SGCZ: variants seen among roughly 807,000 people sequenced by gnomAD.
The protein encoded by SGCZ is zeta-sarcoglycan.
A neutral mutation model predicts 41.3 loss-of-function variants in SGCZ; 40 were observed. The ratio of observed to expected loss-of-function variants is 0.97; its 90% CI spans 0.75 to 1.26. SGCZ has a LOEUF of 1.26. Ranked by LOEUF, SGCZ falls within the 50% of genes most tolerant of loss-of-function variation. The probability of loss-of-function intolerance (pLI) is 0.00; values close to 1 mark genes in which losing one functional copy is unlikely to be tolerated. For missense variants in SGCZ, 552 were observed against 369.8 expected (o/e 1.49, Z -4.04); for synonymous variants, 206 against 137.5 (o/e 1.50, Z -3.49).
chr8:15,169,118 G>T (rs1273324492), intron 1 of SGCZ, among the ~76,000 whole-genome samples: 1 of 152,160 alleles, frequency 6.6e-6, no homozygotes, highest in Non-Finnish European at 1.5e-5. Context: ...GGCCCCTGCT[G>T]GGAACCCTTA....
At chr8:15,213,999 G>A (rs1563187771) in intron 1 of SGCZ, among the ~76,000 whole-genome samples, 2 of 149,700 alleles carry the variant, frequency 1.3e-5, no homozygotes, top group African/African-American at 5.0e-5. Context: ...ACTTGCCTAA[G>A]TTATTATTTT....
chr8:14,727,347 G>A (rs1170880774), intron 1 of SGCZ, among the ~76,000 whole-genome samples: 3 of 152,136 alleles, frequency 2.0e-5, no homozygotes, highest in Admixed American at 6.5e-5. Context: ...TAAAGAAGAT[G>A]TGTAAAAAAT....
In SGCZ at chr8:14,635,097, G is replaced by T. The variant is rs538364241; in HGVS notation, c.40-80171C>A. Among the ~76,000 whole-genome samples, 148 of 151,412 alleles carry T rather than the reference G, an allele frequency of 9.8e-4. 2 individuals carry two copies. The South Asian group carries it at 0.014, about 14-fold the overall frequency. ...AACATATAGAAATTTTATCTTTAAG[G>T]CTCAAGTTTTGCATATATTTTAACA... On this transcript the variant is annotated intron_variant, in intron 1 of 7. Transcript: ENST00000382080.
chr8:14,330,853 G>GA (rs1444731426), intron 2 of SGCZ, among the ~76,000 whole-genome samples: 2 of 151,844 alleles, frequency 1.3e-5, no homozygotes, highest in Non-Finnish European at 2.9e-5. Flanking sequence ...TAAAAATAGA[G>GA]AAAATCTGAT....
At chr8:14,990,774 T>C (rs1054282154) in intron 1 of SGCZ, among the ~76,000 whole-genome samples, 37 of 152,138 alleles carry the variant, frequency 2.4e-4, no homozygotes, top group African/African-American at 8.7e-4. Context: ...ACTCGGTCTG[T>C]GGAAAAATTG....
intron 1 of SGCZ, among the ~76,000 whole-genome samples, chr8:14,775,073 T>A (rs1252097797): frequency 6.6e-6 from 1 of 152,136 alleles, no homozygotes; most frequent in African/African-American, 2.4e-5. Flanking sequence ...TAAAGAAAAT[T>A]GCACTAATAA....
intron 5 of SGCZ, among the ~76,000 whole-genome samples, chr8:14,127,082 A>G (rs1032640937): frequency 1.8e-4 from 28 of 152,146 alleles, no homozygotes; most frequent in African/African-American, 6.8e-4. Flanking sequence ...TGGCTTACCT[A>G]TGTAAGGTAA....
At chr8:14,746,714 C>G (rs895822117) in intron 1 of SGCZ, among the ~76,000 whole-genome samples, 1 of 152,124 alleles carries the variant, frequency 6.6e-6, no homozygotes, top group Non-Finnish European at 1.5e-5. Context: ...ATGGTGACTC[C>G]TAAGTCTCTA....
At position 14,088,032 on chromosome 8, in the gene SGCZ, A is replaced by G. The variant is rs891290051; in HGVS notation, c.*2411T>C. Among the ~76,000 whole-genome samples, 11 of 151,800 alleles carry G rather than the reference A, an allele frequency of 7.2e-5. No homozygotes were observed. Among genetic ancestry groups the G allele is most frequent in the African/African-American group, 2.7e-4 (11 of 41,396 alleles). ...AATGCATTTGAATTAAAAATGTGTCAGTCCCTCACTGGAATCGGTTTTTAC... is the reference window on the plus strand; with the variant it reads ...AATGCATTTGAATTAAAAATGTGTCGGTCCCTCACTGGAATCGGTTTTTAC... On this transcript the variant is annotated 3_prime_UTR_variant, in exon 8 of 8. Transcript: ENST00000382080.
chr8:14,541,366 G>T (rs1803461864), intron 2 of SGCZ, among the ~76,000 whole-genome samples: 1 of 151,874 alleles, frequency 6.6e-6, no homozygotes, highest in Non-Finnish European at 1.5e-5. Flanking sequence ...TGTTCTCATT[G>T]TTCAGCTCCG....
chr8:14,499,934 T>C (rs1416852854), intron 2 of SGCZ, among the ~76,000 whole-genome samples: 2 of 152,080 alleles, frequency 1.3e-5, no homozygotes, highest in Non-Finnish European at 2.9e-5. Context: ...TCAAATTCTA[T>C]TGGCATTCTT....
chr8:14,470,703 A>C (rs1801190199), intron 2 of SGCZ, among the ~76,000 whole-genome samples: 3 of 152,192 alleles, frequency 2.0e-5, no homozygotes. Context: ...TTTCTGATGC[A>C]GAACGGAGAT....
intron 2 of SGCZ, among the ~76,000 whole-genome samples, chr8:14,373,277 C>T (rs1803976018): frequency 1.3e-5 from 2 of 152,162 alleles, no homozygotes; most frequent in Non-Finnish European, 2.9e-5. Context: ...TTTACTGGAA[C>T]ATCGATGCAT....
At chr8:14,627,345 T>C (rs1469181297) in intron 1 of SGCZ, among the ~76,000 whole-genome samples, 1 of 152,116 alleles carries the variant, frequency 6.6e-6, no homozygotes, top group Non-Finnish European at 1.5e-5. Flanking sequence ...GAGGGACGGA[T>C]CATCAGCTCC....
intron 1 of SGCZ, among the ~76,000 whole-genome samples, chr8:14,692,524 T>C (rs1293832458): frequency 1.3e-5 from 2 of 152,178 alleles, no homozygotes; most frequent in Non-Finnish European, 2.9e-5. Flanking sequence ...CATTAAAATA[T>C]TCTTGTTGTA....
At chr8:14,727,342 A>T (rs1424630997) in intron 1 of SGCZ, among the ~76,000 whole-genome samples, 1 of 152,192 alleles carries the variant, frequency 6.6e-6, no homozygotes, top group Non-Finnish European at 1.5e-5. Context: ...ACTACTAAAG[A>T]AGATGTGTAA....
intron 1 of SGCZ, among the ~76,000 whole-genome samples, chr8:15,045,798 A>T (rs554900736): frequency 4.6e-5 from 7 of 152,048 alleles, no homozygotes; most frequent in African/African-American, 9.7e-5. Flanking sequence ...GCAGTAGTCA[A>T]TTCCCCTCAG....
chr8:15,124,832 T>C (rs1260494185), intron 1 of SGCZ, among the ~76,000 whole-genome samples: 3 of 152,182 alleles, frequency 2.0e-5, no homozygotes, highest in Non-Finnish European at 4.4e-5. Flanking sequence ...AATTAAGATC[T>C]TTAAAAAATC....
At position 14,484,841 on chromosome 8, in the gene SGCZ, C is replaced by A. The variant is rs1801630574; in HGVS notation, c.234+69891G>T. On this transcript the variant is annotated intron_variant, in intron 2 of 7. Transcript: ENST00000382080. ...AGATCATTTAGCTCTAAGTTAAATG[C>A]ATTTCTTGGTGATACTTCTGTTGCT... Among the ~76,000 whole-genome samples the A allele has an allele frequency of 4.6e-5, 7 of 152,226 alleles. No homozygotes were observed. The South Asian group carries it at 1.5e-3, about 32-fold the overall frequency.
Sources: allele counts gnomAD v4.1 joint callset (sites outside exome capture counted in the v4.1 genomes callset), GRCh38; gene constraint gnomAD v4.1.1; transcripts MANE v1.5; gene names NCBI Gene and HGNC (gene_info 2026-07-23, HGNC 2026-07-21).